The following RIMS2 variants were observed in gnomAD, a reference collection of about 807,000 sequenced individuals.
RIMS2 encodes regulating synaptic membrane exocytosis 2.
RIMS2 carries 59 observed loss-of-function variants against 174.4 expected under a neutral mutation model. The ratio of observed to expected loss-of-function variants is 0.34; its 90% CI spans 0.27 to 0.42. The LOEUF is 0.42. Ranked by LOEUF, RIMS2 falls within the 10% of genes least tolerant of loss-of-function variation. The pLI is 1.00. For synonymous variants in RIMS2, 606 were observed against 572.5 expected (o/e 1.06, Z -0.84); for missense variants, 1,620 against 1,666.3 (o/e 0.97, Z 0.48).
At chr8:103,769,828 A>C (rs536602154) in intron 3 of RIMS2, among the ~76,000 whole-genome samples, 1 of 152,174 alleles carries the variant, frequency 6.6e-6, no homozygotes, top group Admixed American at 6.5e-5. Context: ...TTCGTGCTTA[A>C]TGACTAAAAG....
At chr8:103,742,383 C>T (rs1019706713) in intron 2 of RIMS2, among the ~76,000 whole-genome samples, 1 of 152,066 alleles carries the variant, frequency 6.6e-6, no homozygotes, top group East Asian at 1.9e-4. Flanking sequence ...ATGACTAGAA[C>T]CATATGTACA....
intron 3 of RIMS2, among the ~76,000 whole-genome samples, chr8:103,878,141 A>G (rs983931501): frequency 5.9e-5 from 9 of 151,782 alleles, no homozygotes; most frequent in Non-Finnish European, 8.8e-5. Context: ...CTGTACTGAC[A>G]CACACTCACT....
chr8:104,152,126 T>C (rs992494727), intron 19 of RIMS2, among the ~76,000 whole-genome samples: 1 of 152,212 alleles, frequency 6.6e-6, no homozygotes. Context: ...CTGATTTTCA[T>C]GTATGAGTAG....
At chr8:104,180,554 A>C (rs930902085) in intron 19 of RIMS2, among the ~76,000 whole-genome samples, 4 of 151,656 alleles carry the variant, frequency 2.6e-5, no homozygotes, top group Admixed American at 1.3e-4. Flanking sequence ...GGAGGAGAAG[A>C]AGCAATTTTT....
chr8:103,743,429 C>A (rs1283565230), intron 2 of RIMS2, among the ~76,000 whole-genome samples: 2 of 152,060 alleles, frequency 1.3e-5, no homozygotes, highest in Non-Finnish European at 2.9e-5. Context: ...TGAAAATATT[C>A]TTTAAAAATT....
chr8:104,056,260 C>T (rs990069902), intron 19 of RIMS2, among the ~76,000 whole-genome samples: 1 of 151,766 alleles, frequency 6.6e-6, no homozygotes, highest in South Asian at 2.1e-4. Context: ...AAAAATTAGC[C>T]GGGCATGGTG....
At chr8:103,819,183 G>C in intron 3 of RIMS2, 1 of 1,116,448 alleles carries the variant, frequency 9.0e-7, no homozygotes, top group Non-Finnish European at 1.1e-6. Flanking sequence ...TAGGCTTAGA[G>C]AAATATGAGT....
At chr8:103,962,231 A>G (rs942572180) in intron 15 of RIMS2, among the ~76,000 whole-genome samples, 1 of 152,096 alleles carries the variant, frequency 6.6e-6, no homozygotes, top group African/African-American at 2.4e-5. Flanking sequence ...AAGATGACAG[A>G]AATATTTCTT....
In RIMS2 at chr8:104,225,528, A is replaced by G. The variant is rs183216763; in HGVS notation, c.3335-19388A>G. ...GTCTTGAGTTTGCTTCAGATAAGGT[A>G]TCATCCTTTTTCTTTAAATTATGAT... On this transcript the variant is annotated intron_variant, in intron 19 of 23. Transcript: ENST00000504942. Among the ~76,000 whole-genome samples the G allele has an allele frequency of 3.4e-3, 520 of 152,336 alleles. 5 individuals carry two copies. Among genetic ancestry groups the G allele is most frequent in the African/African-American group, 0.012 (501 of 41,588 alleles).
intron 19 of RIMS2, among the ~76,000 whole-genome samples, chr8:104,185,374 A>AAT (rs1260083458): frequency 2.6e-5 from 4 of 151,612 alleles, no homozygotes; most frequent in Admixed American, 6.6e-5. Context: ...CATGCCAAAT[A>AAT]ATATATAGGT....
At chr8:103,635,370 G>A (rs1411285250) in intron 1 of RIMS2, among the ~76,000 whole-genome samples, 1 of 152,232 alleles carries the variant, frequency 6.6e-6, no homozygotes, top group African/African-American at 2.4e-5. Flanking sequence ...TGGATCCATA[G>A]CTCTGGTGGG....
At chr8:103,747,130 T>C (rs2097829560) in intron 2 of RIMS2, among the ~76,000 whole-genome samples, 1 of 151,844 alleles carries the variant, frequency 6.6e-6, no homozygotes, top group Non-Finnish European at 1.5e-5. Flanking sequence ...TTAGGGCACA[T>C]GTGCATAATG....
At chr8:104,162,454 G>A (rs1481888006) in intron 19 of RIMS2, among the ~76,000 whole-genome samples, 3 of 152,062 alleles carry the variant, frequency 2.0e-5, no homozygotes, top group African/African-American at 7.2e-5. Flanking sequence ...AACTTGAGAT[G>A]TAAATATTAT....
chr8:103,739,636 C>T (rs2097735300), intron 2 of RIMS2, among the ~76,000 whole-genome samples: 1 of 152,152 alleles, frequency 6.6e-6, no homozygotes, highest in Non-Finnish European at 1.5e-5. Context: ...TGATTTTTTT[C>T]TCTGTTTACT....
chr8:103,555,524 A>G (rs1259966921), intron 1 of RIMS2, among the ~76,000 whole-genome samples: 1 of 152,176 alleles, frequency 6.6e-6, no homozygotes, highest in African/African-American at 2.4e-5. Context: ...GTATATATCC[A>G]AACTATATGA....
chr8:103,866,044 T>A (rs1171051820), intron 3 of RIMS2, among the ~76,000 whole-genome samples: 1 of 152,188 alleles, frequency 6.6e-6, no homozygotes, highest in Non-Finnish European at 1.5e-5. Context: ...TTTTCCAGAT[T>A]AGGTTTTTTA....
At chr8:103,582,196 C>T (rs1012636132) in intron 1 of RIMS2, among the ~76,000 whole-genome samples, 13 of 152,074 alleles carry the variant, frequency 8.5e-5, no homozygotes, top group African/African-American at 3.1e-4. Flanking sequence ...GGATGGAACC[C>T]ACTGCCTTGA....
intron 19 of RIMS2, among the ~76,000 whole-genome samples, chr8:104,014,957 T>C (rs777034691): frequency 1.9e-4 from 29 of 152,184 alleles, no homozygotes; most frequent in Non-Finnish European, 4.0e-4. Flanking sequence ...TATTAGTAAC[T>C]AGCCAAATCA....
intron 19 of RIMS2, among the ~76,000 whole-genome samples, chr8:104,170,908 T>C (rs977330218): frequency 3.3e-5 from 5 of 152,150 alleles, no homozygotes; most frequent in African/African-American, 7.2e-5. Flanking sequence ...CCTTCATTAA[T>C]GAAGCTTAGT....
Sources: gnomAD v4.1 joint callset for allele counts (sites outside exome capture counted in the v4.1 genomes callset) on GRCh38, gnomAD v4.1.1 for gene constraint, MANE v1.5 for transcripts, NCBI Gene and HGNC (gene_info 2026-07-23, HGNC 2026-07-21) for gene names.